PDE1C: variants seen among roughly 807,000 people sequenced by gnomAD.
The protein encoded by PDE1C is dual specificity calcium/calmodulin-dependent 3',5'-cyclic nucleotide phosphodiesterase 1C.
A neutral mutation model predicts 93.1 loss-of-function variants in PDE1C; 62 were observed. The observed-to-expected ratio is 0.67, with a 90% CI of 0.54 to 0.82. The LOEUF is 0.82. Ranked by LOEUF, PDE1C falls within the 40% of genes least tolerant of loss-of-function variation. The pLI, the probability that PDE1C is intolerant of heterozygous loss-of-function variation, is 0.00. For synonymous variants in PDE1C, 325 were observed against 310.1 expected (o/e 1.05, Z -0.50); for missense variants, 742 against 884.6 (o/e 0.84, Z 2.04).
chr7:31,898,106 T>C (rs953666115), intron 2 of PDE1C, among the ~76,000 whole-genome samples: 3 of 151,952 alleles, frequency 2.0e-5, no homozygotes, highest in Non-Finnish European at 2.9e-5. Flanking sequence ...TTTTAATTCA[T>C]GTTCTTTTAA....
chr7:32,294,818 C>T (rs558885384), intron 1 of PDE1C, among the ~76,000 whole-genome samples: 2 of 152,230 alleles, frequency 1.3e-5, no homozygotes, highest in Non-Finnish European at 2.9e-5. Context: ...AGTCAATTTA[C>T]ACTTGCACTT....
chr7:32,076,905 T>TA (rs1796388644), intron 3 of PDE1C, among the ~76,000 whole-genome samples: 1 of 145,316 alleles, frequency 6.9e-6, no homozygotes, highest in African/African-American at 2.6e-5. Flanking sequence ...CAACTAATAA[T>TA]ACAATTATTC....
intron 1 of PDE1C, among the ~76,000 whole-genome samples, chr7:32,209,882 C>T (rs1030241301): frequency 6.6e-6 from 1 of 152,168 alleles, no homozygotes; most frequent in Non-Finnish European, 1.5e-5. Context: ...CGTCCTTTGG[C>T]CCCAAGAGTC....
chr7:31,718,798 A>C, the PDE1C span, among the ~76,000 whole-genome samples: 1 of 152,210 alleles, frequency 6.6e-6, no homozygotes, highest in South Asian at 2.1e-4. Context: ...CATGACCCTC[A>C]GCAGCCCTAG....
chr7:31,855,281 C>T (rs1793873283), intron 7 of PDE1C, among the ~76,000 whole-genome samples: 1 of 152,008 alleles, frequency 6.6e-6, no homozygotes, highest in African/African-American at 2.4e-5. Context: ...ACCTTTTCCA[C>T]AGTTTCCCTC....
intron 1 of PDE1C, among the ~76,000 whole-genome samples, chr7:32,411,703 C>T (rs1221600696): frequency 6.6e-6 from 1 of 152,052 alleles, no homozygotes; most frequent in Non-Finnish European, 1.5e-5. Context: ...TTTCTTTCCT[C>T]AGTAATAAGC....
chr7:32,034,227 C>A (rs558406426), intron 2 of PDE1C, among the ~76,000 whole-genome samples: 1 of 152,190 alleles, frequency 6.6e-6, no homozygotes, highest in African/African-American at 2.4e-5. Flanking sequence ...CCTTCATGAA[C>A]TTCTAAAAGC....
At chr7:32,317,894 C>T (rs941400328) in intron 1 of PDE1C, among the ~76,000 whole-genome samples, 1 of 152,118 alleles carries the variant, frequency 6.6e-6, no homozygotes, top group African/African-American at 2.4e-5. Context: ...TCCTTGTCAC[C>T]ATGTTTTTGC....
chr7:31,892,033 T>C (rs781382576), intron 2 of PDE1C, among the ~76,000 whole-genome samples: 2 of 152,192 alleles, frequency 1.3e-5, no homozygotes, highest in Non-Finnish European at 2.9e-5. Context: ...AAATTAAACA[T>C]TTAGTTTTAA....
At chr7:32,321,851 T>C (rs1012233558) in intron 1 of PDE1C, among the ~76,000 whole-genome samples, 4 of 152,326 alleles carry the variant, frequency 2.6e-5, no homozygotes, top group African/African-American at 9.6e-5. Context: ...CGATCAGTTG[T>C]TCAAATCTCC....
chr7:31,672,703 C>A, the PDE1C span, among the ~76,000 whole-genome samples: 1 of 152,152 alleles, frequency 6.6e-6, no homozygotes, highest in Non-Finnish European at 1.5e-5. Flanking sequence ...CTTGCCATAG[C>A]AAGTCCATCA....
upstream of PDE1C, among the ~76,000 whole-genome samples, chr7:32,303,312 G>A (rs530956807): frequency 6.6e-5 from 10 of 152,308 alleles, no homozygotes; most frequent in Admixed American, 1.3e-4. Flanking sequence ...AGCAGAGGAC[G>A]AAGAAATGAA....
At chr7:31,927,821 G>A (rs1029480468) in intron 2 of PDE1C, among the ~76,000 whole-genome samples, 2 of 152,230 alleles carry the variant, frequency 1.3e-5, no homozygotes, top group Admixed American at 6.5e-5. Context: ...ATAAATCCAC[G>A]AAGATGAGGA....
chr7:32,081,610 G>C (rs1428548815), intron 3 of PDE1C, among the ~76,000 whole-genome samples: 1 of 152,192 alleles, frequency 6.6e-6, no homozygotes, highest in Non-Finnish European at 1.5e-5. Context: ...TAAGGATGCT[G>C]CTATTACCTG....
chr7:32,073,393 C>T (rs1796174241), upstream of PDE1C, among the ~76,000 whole-genome samples: 1 of 152,076 alleles, frequency 6.6e-6, no homozygotes, highest in South Asian at 2.1e-4. Context: ...TGGAGGTTTT[C>T]AAATTTTTGA....
chr7:31,651,752 T>C, the PDE1C span, among the ~76,000 whole-genome samples: 1 of 147,734 alleles, frequency 6.8e-6, no homozygotes, highest in Non-Finnish European at 1.5e-5. Flanking sequence ...AACTATATTA[T>C]ACTGCAATAA....
chr7:31,930,060 TA>T (rs1200910489), intron 2 of PDE1C, among the ~76,000 whole-genome samples: 2 of 151,712 alleles, frequency 1.3e-5, no homozygotes, highest in Non-Finnish European at 2.9e-5. Flanking sequence ...ATAGACACAA[TA>T]AAAAATGATA....
chr7:31,625,239 C>G, the PDE1C span, among the ~76,000 whole-genome samples: 23 of 150,752 alleles, frequency 1.5e-4, no homozygotes, highest in African/African-American at 5.4e-4. Context: ...TCTAGAATTA[C>G]AAATACCATT....
intron 1 of PDE1C, among the ~76,000 whole-genome samples, chr7:32,246,468 C>T (rs1192147606): frequency 2.6e-5 from 4 of 152,104 alleles, no homozygotes; most frequent in East Asian, 1.9e-4. Flanking sequence ...ACTGCCACAG[C>T]GAACACAGCC....
Sources: allele counts gnomAD v4.1 joint callset (sites outside exome capture counted in the v4.1 genomes callset), GRCh38; gene constraint gnomAD v4.1.1; transcripts MANE v1.5; gene names NCBI Gene and HGNC (gene_info 2026-07-23, HGNC 2026-07-21).